Variants in LRRK1 observed in about 807,000 individuals in gnomAD.
LRRK1 encodes the protein leucine rich repeat kinase 1.
In LRRK1, 113 loss-of-function variants were observed where a neutral mutation model predicts 209.1. The ratio of observed to expected loss-of-function variants is 0.54; its 90% CI spans 0.46 to 0.63. The LOEUF (loss-of-function observed/expected upper bound fraction) is 0.63. Ranked by LOEUF, LRRK1 falls within the 30% of genes least tolerant of loss-of-function variation. The pLI is 0.00. For missense variants in LRRK1, 2,284 were observed against 2,632.2 expected (o/e 0.87, Z 2.89); for synonymous variants, 1,144 against 1,099.7 (o/e 1.04, Z -0.80).
intron 2 of LRRK1, among the ~76,000 whole-genome samples, chr15:100,926,696 T>C (rs1320295037): frequency 1.4e-5 from 2 of 141,526 alleles, no homozygotes; most frequent in African/African-American, 2.6e-5. Flanking sequence ...TTTTTTTTTT[T>C]TTTTTTGAGA....
At chr15:100,941,400 CTGTG>C (rs1567190942) in intron 2 of LRRK1, among the ~76,000 whole-genome samples, 1 of 81,712 alleles carries the variant, frequency 1.2e-5, no homozygotes, top group Non-Finnish European at 2.3e-5. Flanking sequence ...CTGTGTGTGT[CTGTG>C]TGTGTCTCTG....
At chr15:100,978,506 C>G (rs1193778707) in intron 3 of LRRK1, among the ~76,000 whole-genome samples, 2 of 150,954 alleles carry the variant, frequency 1.3e-5, no homozygotes, top group Admixed American at 6.6e-5. Context: ...CAAAGGGAAA[C>G]ATTGCCTTTA....
Position 101,027,778 on chromosome 15 carries a change from C to G in LRRK1, c.2667C>G (p.Asp889Glu), listed in dbSNP as rs2141103392. 1 of 1,589,520 alleles carries G rather than the reference C, an allele frequency of 6.3e-7. No individual in the cohort carries two copies. Among genetic ancestry groups the G allele is most frequent in the Non-Finnish European group, 8.6e-7 (1 of 1,167,872 alleles). ...AGACGCCCGACAACGACATCAAGGA[C>G]TACGAGGACCTGCAGTCAGGTGGGT... ...VEQTPDNDIK[D>E]YEDLQSAISF... Residue 889 changes from aspartate (D) to glutamate (E), a missense_variant, in exon 19 of 34, where the codon GAC becomes GAG. By Grantham distance (45) the Asp-to-Glu change is conservative. This residue lies in a region of LRRK1 where 780 missense variants were observed against 985.2 expected (regional missense o/e 0.79). Coordinates refer to ENST00000388948, the MANE Select transcript of LRRK1 (RefSeq NM_024652.6). This position sits in a 1 kb window ranked among gnomAD's most constrained non-coding sequence, Gnocchi z 5.1.
chr15:101,055,133 G>A lies in LRRK1; in HGVS notation c.4242G>A (p.Arg1414=), dbSNP rs547652242. The change falls in exon 27 of 34, where the codon AGG becomes AGA. Residue 1414 remains arginine (R), a synonymous_variant. Coordinates refer to ENST00000388948, the MANE Select transcript of LRRK1 (RefSeq NM_024652.6). ...NIKLSDYGIS[R]QSFHEGALGV... is the part of the protein sequence containing the mutation. Reference sequence around the variant, plus strand: ...AGCTATCTGACTACGGGATTTCGAGGCAGTCATTCCATGAGGGCGCCCTAG... The same window carrying A: ...AGCTATCTGACTACGGGATTTCGAGACAGTCATTCCATGAGGGCGCCCTAG... 204 of 1,613,756 alleles carry A rather than the reference G, an allele frequency of 1.3e-4. No homozygotes were observed. Among genetic ancestry groups the A allele is most frequent in the Admixed American group, 2.0e-4 (12 of 59,962 alleles).
At chr15:101,045,873 G>A (rs1287591525) in intron 20 of LRRK1, 108 bp from the exon 21 acceptor site, 6 of 890,582 alleles carry the variant, frequency 6.7e-6, no homozygotes, top group Non-Finnish European at 1.1e-5. Context: ...CCAGCAGCCT[G>A]AGGTGTTCCA....
chr15:100,962,802 T>TATACATATATATATATATACAC (rs1245903596), intron 2 of LRRK1, among the ~76,000 whole-genome samples: 1 of 18,132 alleles, frequency 5.5e-5, no homozygotes, highest in Non-Finnish European at 1.6e-4. Flanking sequence ...TGCATATATA[T>TATACATATATATATATATACAC]ATATATATAT....
chr15:101,058,490 T>C (rs1033330539), intron 29 of LRRK1, among the ~76,000 whole-genome samples: 3 of 151,904 alleles, frequency 2.0e-5, no homozygotes, highest in South Asian at 2.1e-4. Flanking sequence ...CTGAACAACA[T>C]AGCAAGACCC....
intron 2 of LRRK1, among the ~76,000 whole-genome samples, chr15:100,964,566 C>G (rs939506996): frequency 1.3e-5 from 2 of 152,202 alleles, no homozygotes; most frequent in African/African-American, 4.8e-5. Context: ...CTGAAGTTTA[C>G]TTTTGTTTGT....
chr15:101,020,369 C>CTTT lies in LRRK1; in HGVS notation c.1610-663_1610-661dup, dbSNP rs1258764876. Among the ~76,000 whole-genome samples, 45 of 98,458 alleles carry CTTT rather than the reference C, an allele frequency of 4.6e-4. 1 individual carries two copies. The highest frequency in any genetic ancestry group is 1.1e-3 in the East Asian group (4 of 3,790). The allele number at this position is 98,458 out of a possible 152,430, so 64.6% of individuals were successfully genotyped here. A position where few individuals can be genotyped will look rare whatever the true frequency, so the allele number is the denominator to read the frequency against. ...AGCCTTCTAGATATCCGGTTCTGAA[C>CTTT]TTTTTTTTTTTTTTTTTTTTTTTGA... On this transcript the variant is annotated intron_variant, in intron 12 of 33. Transcript: ENST00000388948.
Position 100,973,952 on chromosome 15 carries a change from G to A in LRRK1, c.246G>A (p.Ala82=). ...TGGAGGAGGCCTGCGACCAGTGCGC[G>A]TCCCAGCTGGAAAAGGTAGGGGAGC... is the stretch of plus-strand genomic sequence containing the variant. ...DLLEEACDQC[A]SQLEKGQLLS... Residue 82 remains alanine (A), a synonymous_variant, in exon 3 of 34, where the codon GCG becomes GCA. Transcript: ENST00000388948. The A allele has an allele frequency of 2.4e-6, 3 of 1,251,322 alleles. No homozygotes were observed. Among genetic ancestry groups the A allele is most frequent in the Non-Finnish European group, 3.0e-6 (3 of 992,290 alleles). The allele number at this position is 1,251,322 out of a possible 1,614,324, so 77.5% of individuals were successfully genotyped here.
Position 101,009,612 on chromosome 15 carries a change from G to A in LRRK1, c.989+549G>A, listed in dbSNP as rs376722718. Among the ~76,000 whole-genome samples the A allele has an allele frequency of 3.2e-4, 48 of 151,768 alleles. 1 individual carries two copies. The highest frequency in any genetic ancestry group is 1.2e-3 in the South Asian group (6 of 4,808). On this transcript the variant is annotated intron_variant, in intron 7 of 33. Coordinates refer to ENST00000388948, the MANE Select transcript of LRRK1 (RefSeq NM_024652.6). ...TTTTTATTTTTATTTTTTTTGAGACGGAGTCTCACTCTGCTGCCCAACTGG... is the reference window on the plus strand; with the variant it reads ...TTTTTATTTTTATTTTTTTTGAGACAGAGTCTCACTCTGCTGCCCAACTGG...
chr15:101,067,421 A>G (rs1026281652), intron 33 of LRRK1: 15 of 297,064 alleles, frequency 5.0e-5, no homozygotes, highest in East Asian at 1.9e-4. Context: ...CTCAGTTCAA[A>G]TGTGTGTGTG....
intron 2 of LRRK1, among the ~76,000 whole-genome samples, chr15:100,968,900 G>A (rs977088461): frequency 6.6e-6 from 1 of 151,118 alleles, no homozygotes; most frequent in Non-Finnish European, 1.5e-5. Flanking sequence ...GTGCAGTGGT[G>A]TAGTCACAGC....
intron 20 of LRRK1, among the ~76,000 whole-genome samples, chr15:101,030,679 G>A (rs2034241979): frequency 6.6e-6 from 1 of 152,154 alleles, no homozygotes; most frequent in African/African-American, 2.4e-5. Flanking sequence ...ACATGGCCCT[G>A]CCATCTCCCA....
intron 11 of LRRK1, among the ~76,000 whole-genome samples, 195 bp downstream of exon 11, chr15:101,014,623 T>G (rs1471003439): frequency 6.6e-6 from 1 of 152,198 alleles, no homozygotes; most frequent in Admixed American, 6.5e-5. Context: ...CCTGGTTGGT[T>G]TCTCCTGAGG....
At chr15:101,062,075 G>A (rs889176413) in intron 30 of LRRK1, among the ~76,000 whole-genome samples, 2 of 152,238 alleles carry the variant, frequency 1.3e-5, no homozygotes, top group African/African-American at 4.8e-5. Flanking sequence ...AGGCATCCAA[G>A]AGATGCTCCC....
Position 101,058,017 on chromosome 15 carries a change from C to T in LRRK1, c.4555C>T (p.Gln1519Ter). 1.2e-6 allele frequency: 2 copies of T among 1,614,062 alleles called. No individual in the cohort carries two copies. The highest frequency in any genetic ancestry group is 2.2e-5 in the East Asian group (1 of 44,872). Residue 1519 changes from glutamine to a stop codon, truncating the protein, a stop_gained, in exon 29 of 34, where the codon CAG becomes TAG. Coordinates refer to ENST00000388948, the MANE Select transcript of LRRK1 (RefSeq NM_024652.6). LOFTEE classifies it high-confidence loss of function. Reference protein sequence around the residue: ...KRPLALSVVSQMKDPTFATFM... With the variant: ...KRPLALSVVS Reference sequence around the variant, plus strand: ...ACCGCTGGCCCTGTCGGTGGTGAGCCAGATGAAGGACCCGACTTTTGCCAC... The same window carrying T: ...ACCGCTGGCCCTGTCGGTGGTGAGCTAGATGAAGGACCCGACTTTTGCCAC...
intron 2 of LRRK1, among the ~76,000 whole-genome samples, chr15:100,925,874 T>C (rs1363986079): frequency 6.6e-6 from 1 of 152,248 alleles, no homozygotes; most frequent in African/African-American, 2.4e-5. Context: ...GTCTTAATGC[T>C]GCAACACTCA....
chr15:101,000,902 T>C (rs1247848233), intron 6 of LRRK1, among the ~76,000 whole-genome samples: 1 of 152,198 alleles, frequency 6.6e-6, no homozygotes, highest in African/African-American at 2.4e-5. Flanking sequence ...CCTTGCTGCC[T>C]TCACTTCATT....
Sources: allele counts gnomAD v4.1 joint callset (sites outside exome capture counted in the v4.1 genomes callset), GRCh38; gene constraint gnomAD v4.1.1; regional missense constraint gnomAD v4.1.1; non-coding constraint Gnocchi (gnomAD v3.1); transcripts MANE v1.5; gene names NCBI Gene and HGNC (gene_info 2026-07-23, HGNC 2026-07-21).